The following DYNC1I1 variants were observed in gnomAD, a reference collection of about 807,000 sequenced individuals.
The protein encoded by DYNC1I1 is dynein cytoplasmic 1 intermediate chain 1, also known as cytoplasmic dynein 1 intermediate chain 1.
Under a neutral mutation model 86.6 loss-of-function variants are expected in DYNC1I1, and 43 were observed. That is an observed-to-expected ratio of 0.50 (90% confidence interval 0.39 to 0.64). The LOEUF (loss-of-function observed/expected upper bound fraction) is 0.64, where lower values mean the gene tolerates loss of function less well. Ranked by LOEUF, DYNC1I1 falls within the 30% of genes least tolerant of loss-of-function variation. The pLI is 0.00. For missense variants in DYNC1I1, 604 were observed against 788.8 expected (o/e 0.77, Z 2.81); for synonymous variants, 262 against 283.7 (o/e 0.92, Z 0.77).
intron 5 of DYNC1I1, among the ~76,000 whole-genome samples, chr7:95,846,717 GCTCACCATTC>G (rs1265725193): frequency 6.6e-6 from 1 of 150,544 alleles, no homozygotes; most frequent in Non-Finnish European, 1.5e-5. Flanking sequence ...GGTGCCCCAT[GCTCACCATTC>G]CTCCATGTGG....
At chr7:96,030,187 G>A (rs1190121195) in intron 11 of DYNC1I1, among the ~76,000 whole-genome samples, 2 of 152,034 alleles carry the variant, frequency 1.3e-5, no homozygotes, top group Non-Finnish European at 2.9e-5. Flanking sequence ...CCACACATAT[G>A]CATTTGAGAC....
At chr7:95,907,909 G>A (rs537890836) in intron 6 of DYNC1I1, among the ~76,000 whole-genome samples, 2 of 152,122 alleles carry the variant, frequency 1.3e-5, no homozygotes, top group South Asian at 2.1e-4. Context: ...AACAAAATAT[G>A]AGTAGCAAGA....
At chr7:96,084,046 GA>G (rs1323695300) in intron 16 of DYNC1I1, among the ~76,000 whole-genome samples, 2 of 152,128 alleles carry the variant, frequency 1.3e-5, no homozygotes, top group Non-Finnish European at 2.9e-5. Flanking sequence ...GATTTGAGGA[GA>G]TTTTTTTTTA....
chr7:96,094,878 T>G (rs180758406), intron 16 of DYNC1I1, among the ~76,000 whole-genome samples: 1 of 152,116 alleles, frequency 6.6e-6, no homozygotes, highest in Admixed American at 6.6e-5. Context: ...AAATAAATAT[T>G]TCTGTGAAAA....
At chr7:95,992,937 G>T (rs2115737208) in intron 9 of DYNC1I1, among the ~76,000 whole-genome samples, 1 of 152,116 alleles carries the variant, frequency 6.6e-6, no homozygotes, top group East Asian at 1.9e-4. Context: ...TCATTTATTT[G>T]TTAGAAAAAA....
intron 6 of DYNC1I1, among the ~76,000 whole-genome samples, chr7:95,879,058 T>C (rs148207471): frequency 2.0e-5 from 3 of 151,950 alleles, no homozygotes; most frequent in African/African-American, 7.2e-5. Context: ...AGATAATTTG[T>C]AGTCACAGAC....
At chr7:95,853,432 A>T (rs1789633378) in intron 5 of DYNC1I1, among the ~76,000 whole-genome samples, 1 of 152,194 alleles carries the variant, frequency 6.6e-6, no homozygotes, top group Non-Finnish European at 1.5e-5. Flanking sequence ...TGGTCCCTTG[A>T]TCCTCAATCT....
intron 3 of DYNC1I1, among the ~76,000 whole-genome samples, chr7:95,811,670 G>A (rs1487993491): frequency 6.6e-6 from 1 of 152,040 alleles, no homozygotes; most frequent in Non-Finnish European, 1.5e-5. Flanking sequence ...GCTATAATAA[G>A]CCCCAATAAG....
chr7:96,035,532 A>G (rs1794907998), intron 12 of DYNC1I1, 87 bp from the exon 13 acceptor site: 3 of 1,477,656 alleles, frequency 2.0e-6, no homozygotes, highest in Non-Finnish European at 2.7e-6. Flanking sequence ...AAGCAAACAC[A>G]TGATTTAGCC....
At chr7:95,817,225 A>T (rs1320407318) in intron 4 of DYNC1I1, among the ~76,000 whole-genome samples, 1 of 152,090 alleles carries the variant, frequency 6.6e-6, no homozygotes, top group Non-Finnish European at 1.5e-5. Flanking sequence ...AAAAAAAAAA[A>T]AAAAAGTTTG....
chr7:96,038,732 T>C (rs961393173), intron 13 of DYNC1I1, among the ~76,000 whole-genome samples: 2 of 152,210 alleles, frequency 1.3e-5, no homozygotes, highest in Non-Finnish European at 2.9e-5. Context: ...GTGCATTATT[T>C]TGTGGTGACA....
At chr7:95,999,050 T>A (rs1380288105) in intron 10 of DYNC1I1, among the ~76,000 whole-genome samples, 1 of 152,218 alleles carries the variant, frequency 6.6e-6, no homozygotes, top group Non-Finnish European at 1.5e-5. Flanking sequence ...TCTATTTTTA[T>A]TTCAATAAAA....
At chr7:96,017,128 G>A (rs1265188370) in intron 10 of DYNC1I1, among the ~76,000 whole-genome samples, 1 of 152,124 alleles carries the variant, frequency 6.6e-6, no homozygotes, top group Non-Finnish European at 1.5e-5. Flanking sequence ...TGAGTAATCT[G>A]TTCTCTCTAG....
intron 14 of DYNC1I1, among the ~76,000 whole-genome samples, chr7:96,043,617 T>G (rs1489990940): frequency 6.6e-6 from 1 of 151,936 alleles, no homozygotes; most frequent in African/African-American, 2.4e-5. Flanking sequence ...TAGATCTTGA[T>G]TCAAACAAGC....
chr7:95,949,137 A>G (rs1792484397), intron 6 of DYNC1I1, among the ~76,000 whole-genome samples: 1 of 152,184 alleles, frequency 6.6e-6, no homozygotes, highest in African/African-American at 2.4e-5. Context: ...TCAAGGAGAA[A>G]TTAAGGAGGG....
intron 11 of DYNC1I1, among the ~76,000 whole-genome samples, chr7:96,031,987 C>A (rs535130403): frequency 6.6e-6 from 1 of 152,214 alleles, no homozygotes; most frequent in South Asian, 2.1e-4. Flanking sequence ...TATAAATGAC[C>A]TTTCTCAATG....
At chr7:95,946,892 A>T (rs747293673) in intron 6 of DYNC1I1, among the ~76,000 whole-genome samples, 3 of 152,186 alleles carry the variant, frequency 2.0e-5, no homozygotes, top group Non-Finnish European at 4.4e-5. Context: ...TAAAAGAGAC[A>T]GACAGCTGGT....
chr7:95,969,532 C>T (rs1285880747), intron 6 of DYNC1I1, among the ~76,000 whole-genome samples: 3 of 152,218 alleles, frequency 2.0e-5, no homozygotes, highest in Admixed American at 1.3e-4. Context: ...CTGAGTATCT[C>T]TGAGAAGGTC....
At chr7:95,993,978 G>A (rs989662318) in intron 9 of DYNC1I1, among the ~76,000 whole-genome samples, 7 of 152,136 alleles carry the variant, frequency 4.6e-5, no homozygotes, top group Admixed American at 6.5e-5. Flanking sequence ...TAACTCATAA[G>A]TACTTCCTAT....
Sources: gnomAD v4.1 joint callset for allele counts (sites outside exome capture counted in the v4.1 genomes callset) on GRCh38, gnomAD v4.1.1 for gene constraint, MANE v1.5 for transcripts, NCBI Gene and HGNC (gene_info 2026-07-23, HGNC 2026-07-21) for gene names.